Variants in IGF2BP2 observed in about 807,000 individuals in gnomAD.
The protein encoded by IGF2BP2 is insulin-like growth factor 2 mRNA-binding protein 2.
A neutral mutation model predicts 75.8 loss-of-function variants in IGF2BP2; 17 were observed. That is an observed-to-expected ratio of 0.22 (90% CI 0.15 to 0.34). IGF2BP2 has a LOEUF of 0.34. Among genes scored for constraint, IGF2BP2 ranks in the 10% least tolerant of loss-of-function variants. IGF2BP2 has a pLI of 1.00. For synonymous variants in IGF2BP2, 288 were observed against 295.6 expected (o/e 0.97, Z 0.26); for missense variants, 516 against 772.4 (o/e 0.67, Z 3.93).
At chr3:185,778,256 C>T (rs1734770031) in intron 2 of IGF2BP2, among the ~76,000 whole-genome samples, 2 of 152,142 alleles carry the variant, frequency 1.3e-5, no homozygotes, top group Admixed American at 1.3e-4. Context: ...TCTCACGGCA[C>T]TCACACACAC....
chr3:185,712,323 T>C (rs540275193), intron 2 of IGF2BP2, among the ~76,000 whole-genome samples: 1 of 152,304 alleles, frequency 6.6e-6, no homozygotes, highest in East Asian at 1.9e-4. Context: ...CTAGTGTCTA[T>C]AAGCAAAGAA....
At chr3:185,795,659 T>A (rs1313650255) in intron 2 of IGF2BP2, among the ~76,000 whole-genome samples, 1 of 152,162 alleles carries the variant, frequency 6.6e-6, no homozygotes, top group Non-Finnish European at 1.5e-5. Flanking sequence ...AGCATGTGGA[T>A]CACCTGAGGT....
chr3:185,675,281 G>T lies in IGF2BP2; in HGVS notation c.1071+15C>A. On this transcript the variant is annotated intron_variant, in intron 9 of 15. Coordinates refer to ENST00000382199, the MANE Select transcript of IGF2BP2 (RefSeq NM_006548.6). The stretch of plus-strand genomic sequence containing the variant: ...CTAGTGAAAACCAGCGGAGAAGAAA[G>T]CATTAGGGACTTACGTTAACAGCCA... 6.2e-7 allele frequency: 1 copy of T among 1,600,130 alleles called. No individual in the cohort carries two copies.
chr3:185,760,726 G>A (rs926915012), intron 2 of IGF2BP2, among the ~76,000 whole-genome samples: 4 of 152,142 alleles, frequency 2.6e-5, no homozygotes, highest in Non-Finnish European at 4.4e-5. Flanking sequence ...ATATCTGGCC[G>A]GCATTCATGG....
intron 2 of IGF2BP2, among the ~76,000 whole-genome samples, chr3:185,819,083 A>G (rs1006602600): frequency 6.6e-6 from 1 of 152,172 alleles, no homozygotes; most frequent in African/African-American, 2.4e-5. Flanking sequence ...TATTACTAAT[A>G]TCCTCTCATC....
intron 10 of IGF2BP2, among the ~76,000 whole-genome samples, chr3:185,668,798 C>T (rs1718072540): frequency 6.6e-6 from 1 of 151,946 alleles, no homozygotes; most frequent in Non-Finnish European, 1.5e-5. Flanking sequence ...ATAACAGCAG[C>T]TATGATTTAC....
intron 4 of IGF2BP2, chr3:185,696,286 C>T (rs1376085346): frequency 1.1e-5 from 3 of 268,224 alleles, no homozygotes; most frequent in African/African-American, 2.2e-5. Context: ...AAGTAGCAAC[C>T]GTGTAAATCC....
At chr3:185,789,248 T>C (rs1302748444) in intron 2 of IGF2BP2, among the ~76,000 whole-genome samples, 1 of 152,194 alleles carries the variant, frequency 6.6e-6, no homozygotes, top group Non-Finnish European at 1.5e-5. Context: ...AACTGCTGTA[T>C]CTTAACTGTT....
At chr3:185,716,026 A>T (rs1725558066) in intron 2 of IGF2BP2, among the ~76,000 whole-genome samples, 1 of 152,218 alleles carries the variant, frequency 6.6e-6, no homozygotes, top group Admixed American at 6.5e-5. Context: ...TCAAAATAAA[A>T]GCATCTCCAC....
intron 10 of IGF2BP2, among the ~76,000 whole-genome samples, chr3:185,672,055 G>C (rs1718588181): frequency 6.6e-6 from 1 of 152,078 alleles, no homozygotes; most frequent in South Asian, 2.1e-4. Flanking sequence ...TAAGTGTTTA[G>C]ACATAAACAA....
Position 185,673,364 on chromosome 3 carries a change from T to C in IGF2BP2, c.1072-695A>G, listed in dbSNP as rs533307184. Reference sequence around the variant, plus strand: ...TAAAACAAATTGGATTAACAGTGTTTTCCAACTCTATCCATGGAGAGATCA... The same window carrying C: ...TAAAACAAATTGGATTAACAGTGTTCTCCAACTCTATCCATGGAGAGATCA... On this transcript the variant is annotated intron_variant, in intron 9 of 15. Coordinates refer to ENST00000382199, the MANE Select transcript of IGF2BP2 (RefSeq NM_006548.6). 1.2e-4 allele frequency among the ~76,000 whole-genome samples: 19 copies of C among 152,374 alleles called. 1 individual carries two copies. In the South Asian group the frequency reaches 3.7e-3, roughly 30 times the overall value.
At chr3:185,806,218 G>GA (rs1739007478) in intron 2 of IGF2BP2, among the ~76,000 whole-genome samples, 1 of 152,078 alleles carries the variant, frequency 6.6e-6, no homozygotes, top group Admixed American at 6.6e-5. Flanking sequence ...ACTGTTTTGT[G>GA]AAAAAATATT....
intron 9 of IGF2BP2, among the ~76,000 whole-genome samples, chr3:185,674,848 T>C (rs767478739): frequency 6.6e-6 from 1 of 152,022 alleles, no homozygotes; most frequent in Non-Finnish European, 1.5e-5. Flanking sequence ...TTTTCTTATT[T>C]AGAGATGGGG....
chr3:185,783,158 A>G, intron 2 of IGF2BP2, among the ~76,000 whole-genome samples: 1 of 152,206 alleles, frequency 6.6e-6, no homozygotes, highest in African/African-American at 2.4e-5. Context: ...TGAGACACAC[A>G]AGATACTTGC....
intron 2 of IGF2BP2, among the ~76,000 whole-genome samples, chr3:185,760,350 T>G (rs1440908856): frequency 6.6e-6 from 1 of 152,218 alleles, no homozygotes; most frequent in African/African-American, 2.4e-5. Flanking sequence ...TGTTACTCTC[T>G]TTTGTAATTG....
chr3:185,760,031 A>AT (rs1253819193), intron 2 of IGF2BP2, among the ~76,000 whole-genome samples: 2 of 152,202 alleles, frequency 1.3e-5, no homozygotes, highest in Admixed American at 6.5e-5. Flanking sequence ...AAAGATAAGG[A>AT]TTTTTTTAAA....
intron 10 of IGF2BP2, among the ~76,000 whole-genome samples, chr3:185,671,359 A>G (rs904098341): frequency 9.2e-5 from 14 of 152,080 alleles, no homozygotes; most frequent in Admixed American, 7.2e-4. Context: ...CATCCTGGCC[A>G]ACATGGTGAA....
intron 2 of IGF2BP2, among the ~76,000 whole-genome samples, chr3:185,818,230 T>A (rs1381531099): frequency 6.6e-6 from 1 of 152,138 alleles, no homozygotes; most frequent in African/African-American, 2.4e-5. Flanking sequence ...CTTAAAAAAA[T>A]GGCTTATAAC....
chr3:185,791,682 A>C (rs1445084203), intron 2 of IGF2BP2, among the ~76,000 whole-genome samples: 1 of 152,152 alleles, frequency 6.6e-6, no homozygotes, highest in East Asian at 1.9e-4. Flanking sequence ...CATCTTTAGT[A>C]GGAAGAAGAG....
Sources: gnomAD v4.1 joint callset for allele counts (sites outside exome capture counted in the v4.1 genomes callset) on GRCh38, gnomAD v4.1.1 for gene constraint, MANE v1.5 for transcripts, NCBI Gene and HGNC (gene_info 2026-07-23, HGNC 2026-07-21) for gene names.